Variants in VTCN1 observed in about 807,000 individuals in gnomAD.
VTCN1 encodes V-set domain-containing T-cell activation inhibitor 1.
A neutral mutation model predicts 26.5 loss-of-function variants in VTCN1; 26 were observed. That is an observed-to-expected ratio of 0.98 (90% CI 0.72 to 1.36). VTCN1 has a LOEUF of 1.36. VTCN1 is among the 40% of genes most tolerant of loss of function. The pLI is 0.00. For synonymous variants in VTCN1, 116 were observed against 130.7 expected, an observed-to-expected ratio of 0.89 and a Z score of 0.77; for missense variants, 298 against 337.7, an observed-to-expected ratio of 0.88 and a Z score of 0.92.
Position 117,166,842 on chromosome 1 carries a change from AG to A in VTCN1, c.97+3264del, listed in dbSNP as rs199699657. Among the ~76,000 whole-genome samples, 1,380 of 152,206 alleles carry A rather than the reference AG, an allele frequency of 9.1e-3. 23 individuals are homozygous for A. Among genetic ancestry groups the A allele is most frequent in the African/African-American group, 0.031 (1,276 of 41,528 alleles). ...AGCAGTGGCTCACACCTGTAATCCC[AG>A]CACTGTGGGAGGTCGAGGTGGGTGG... is the stretch of plus-strand genomic sequence containing the variant. On this transcript the variant is annotated intron_variant, in intron 2 of 5. Transcript: ENST00000369458.
At chr1:117,149,398 A>G (rs1435731277) in intron 4 of VTCN1, among the ~76,000 whole-genome samples, 1 of 151,532 alleles carries the variant, frequency 6.6e-6, no homozygotes, top group Non-Finnish European at 1.5e-5. Context: ...CATTTGCATC[A>G]CCAAGGACTG....
intron 3 of VTCN1, among the ~76,000 whole-genome samples, chr1:117,156,244 A>G (rs1378424666): frequency 1.3e-5 from 2 of 152,196 alleles, no homozygotes; most frequent in Non-Finnish European, 2.9e-5. Flanking sequence ...GGGTCTACTT[A>G]GCGTGGAAAT....
intron 1 of VTCN1, among the ~76,000 whole-genome samples, chr1:117,208,492 T>A (rs1649206529): frequency 6.6e-6 from 1 of 152,194 alleles, no homozygotes; most frequent in Non-Finnish European, 1.5e-5. Context: ...TCCATTAGGT[T>A]ATGACCTTGA....
At chr1:117,179,228 C>G in intron 1 of VTCN1, among the ~76,000 whole-genome samples, 1 of 152,182 alleles carries the variant, frequency 6.6e-6, no homozygotes, top group Non-Finnish European at 1.5e-5. Context: ...TGGCCTGTAA[C>G]TTCCAGATAC....
At position 117,187,309 on chromosome 1, in the gene VTCN1, CA is replaced by C. The variant is rs11415949; in HGVS notation, c.33-17139del. ...TGGGTAACAGAGCAAGACCTTGTCT[CA>C]AAAAAAAAAAAAAAAAAAAAAAAGG... On this transcript the variant is annotated intron_variant, in intron 1 of 5. Coordinates refer to ENST00000369458, the MANE Select transcript of VTCN1 (RefSeq NM_024626.4). Among the ~76,000 whole-genome samples the C allele has an allele frequency of 8.9e-3, 652 of 73,224 alleles. 7 individuals carry two copies. Among genetic ancestry groups the C allele is most frequent in the African/African-American group, 0.031 (564 of 18,448 alleles). 48.0% of individuals were successfully genotyped at this position (73,224 alleles called of 152,430 possible). A position where few individuals can be genotyped will look rare whatever the true frequency, so the allele number is the denominator to read the frequency against.
chr1:117,197,287 T>C (rs369889067), intron 1 of VTCN1, among the ~76,000 whole-genome samples: 2 of 152,150 alleles, frequency 1.3e-5, no homozygotes, highest in African/African-American at 2.4e-5. Context: ...ATCATGCACC[T>C]AAAGAGAAGT....
intron 1 of VTCN1, chr1:117,173,365 AACACACACACAC>A: frequency 2.6e-6 from 1 of 383,122 alleles, no homozygotes; most frequent in Non-Finnish European, 4.7e-6. Context: ...GACACAGATG[AACACACACACAC>A]ACACACACAC....
intron 1 of VTCN1, among the ~76,000 whole-genome samples, chr1:117,189,938 C>T (rs1648163830): frequency 6.6e-6 from 1 of 152,142 alleles, no homozygotes; most frequent in Non-Finnish European, 1.5e-5. Context: ...TGGTGGCAGA[C>T]TCACCCACCA....
chr1:117,185,147 C>T (rs776271703), intron 1 of VTCN1, among the ~76,000 whole-genome samples: 5 of 152,136 alleles, frequency 3.3e-5, no homozygotes, highest in Non-Finnish European at 4.4e-5. Flanking sequence ...CTTACCCAAA[C>T]CAAGGGCAGA....
At chr1:117,196,841 T>C (rs1281248232) in intron 1 of VTCN1, among the ~76,000 whole-genome samples, 1 of 152,194 alleles carries the variant, frequency 6.6e-6, no homozygotes, top group Non-Finnish European at 1.5e-5. Flanking sequence ...GCTCACAAAC[T>C]ACCCCAGGCA....
At chr1:117,148,913 C>T (rs981587002) in intron 4 of VTCN1, among the ~76,000 whole-genome samples, 28 of 152,162 alleles carry the variant, frequency 1.8e-4, no homozygotes, top group Admixed American at 1.3e-3. Context: ...GAACAACTGA[C>T]GGCCTGCAGG....
chr1:117,168,876 T>C (rs1179441140), intron 2 of VTCN1, among the ~76,000 whole-genome samples: 1 of 152,140 alleles, frequency 6.6e-6, no homozygotes, highest in Non-Finnish European at 1.5e-5. Flanking sequence ...ATTATAGGCG[T>C]GAACCACCAC....
intron 3 of VTCN1, among the ~76,000 whole-genome samples, chr1:117,154,640 G>A (rs1403081162): frequency 6.6e-6 from 1 of 151,814 alleles, no homozygotes; most frequent in Non-Finnish European, 1.5e-5. Context: ...AAAATTAGCC[G>A]GCTGTGGAGG....
At chr1:117,205,093 ATGTATATG>A (rs1250194245) in intron 1 of VTCN1, among the ~76,000 whole-genome samples, 6 of 5,572 alleles carry the variant, frequency 1.1e-3, no homozygotes, top group South Asian at 0.028. Context: ...ATATGTATGT[ATGTATATG>A]TATGTATATG....
chr1:117,165,270 G>T (rs1313531920), intron 2 of VTCN1, among the ~76,000 whole-genome samples: 1 of 152,196 alleles, frequency 6.6e-6, no homozygotes. Flanking sequence ...CCTCCTATTT[G>T]TTGTGTGTAG....
At chr1:117,185,432 C>T (rs551370526) in intron 1 of VTCN1, among the ~76,000 whole-genome samples, 5 of 152,268 alleles carry the variant, frequency 3.3e-5, no homozygotes, top group Middle Eastern at 3.4e-3. Context: ...CTGATCAGTG[C>T]CAAAGTGGCA....
Position 117,159,715 on chromosome 1 carries a change from A to C in VTCN1, c.98-2794T>G, listed in dbSNP as rs1054476255. On this transcript the variant is annotated intron_variant, in intron 2 of 5. Coordinates refer to ENST00000369458, the MANE Select transcript of VTCN1 (RefSeq NM_024626.4). This position sits in a 1 kb window ranked among gnomAD's most constrained non-coding sequence, Gnocchi z 4.7. ...AACTAAATGTGGCCTAGTCATTCTG[A>C]AAAATGCTGAATTCTAAAGTGCTGT... 2.0e-5 allele frequency among the ~76,000 whole-genome samples: 3 copies of C among 152,244 alleles called. No homozygotes were observed. Among genetic ancestry groups the C allele is most frequent in the Non-Finnish European group, 4.4e-5 (3 of 68,046 alleles).
chr1:117,144,500 T>G lies in VTCN1; in HGVS notation c.*771A>C, dbSNP rs1329572780. On this transcript the variant is annotated 3_prime_UTR_variant, in exon 6 of 6. Transcript: ENST00000369458. The stretch of plus-strand genomic sequence containing the variant: ...GAGCTTGTGATGACATAATGCCATA[T>G]AGACAAGGTGAAAGGTCCTTCCCTG... 1.3e-5 allele frequency: 2 copies of G among 152,144 alleles called. No homozygotes were observed. Among genetic ancestry groups the G allele is most frequent in the Admixed American group, 1.3e-4 (2 of 15,276 alleles). 9.4% of individuals were successfully genotyped at this position (152,144 alleles called of 1,614,324 possible). A position where few individuals can be genotyped will look rare whatever the true frequency, so the allele number is the denominator to read the frequency against.
chr1:117,178,747 C>T (rs1322513644), intron 1 of VTCN1, among the ~76,000 whole-genome samples: 39 of 151,884 alleles, frequency 2.6e-4, no homozygotes, highest in South Asian at 8.3e-4. Context: ...ACATGTGCCA[C>T]GACGCTCAGC....
Sources: allele counts gnomAD v4.1 joint callset (sites outside exome capture counted in the v4.1 genomes callset), GRCh38; gene constraint gnomAD v4.1.1; non-coding constraint Gnocchi (gnomAD v3.1); transcripts MANE v1.5; gene names NCBI Gene and HGNC (gene_info 2026-07-23, HGNC 2026-07-21).